The following TACR1 variants were observed in gnomAD, a reference collection of about 807,000 sequenced individuals.
TACR1 encodes the protein substance-P receptor.
Under a neutral mutation model 35.8 loss-of-function variants are expected in TACR1, and 25 were observed. The ratio of observed to expected loss-of-function variants is 0.70; its 90% CI spans 0.51 to 0.98. The LOEUF (loss-of-function observed/expected upper bound fraction) is 0.98, where lower values mean the gene tolerates loss of function less well. Among genes scored for constraint, TACR1 ranks in the 50% least tolerant of loss-of-function variants. TACR1 has a pLI of 0.00. For synonymous variants in TACR1, 195 were observed against 206.7 expected (o/e 0.94, Z 0.48); for missense variants, 478 against 522.9 (o/e 0.91, Z 0.84).
intron 1 of TACR1, 123 bp downstream of exon 1, chr2:75,198,423 T>TA (rs1198945330): frequency 1.4e-5 from 16 of 1,164,204 alleles, no homozygotes; most frequent in Middle Eastern, 2.9e-4. Context: ...AGTTGATCAG[T>TA]AAAAAAACCC....
chr2:75,130,490 G>T (rs527990424), intron 1 of TACR1, among the ~76,000 whole-genome samples: 2 of 152,194 alleles, frequency 1.3e-5, no homozygotes. Context: ...TTGCTACAGT[G>T]ATTTTGCTTT....
chr2:75,136,338 T>G (rs1285536048), intron 1 of TACR1, among the ~76,000 whole-genome samples: 3 of 152,186 alleles, frequency 2.0e-5, no homozygotes, highest in African/African-American at 7.2e-5. Flanking sequence ...AAAGACGTGC[T>G]TATTAGTGCA....
intron 1 of TACR1, among the ~76,000 whole-genome samples, chr2:75,151,972 G>T (rs1273016122): frequency 6.6e-6 from 1 of 152,128 alleles, no homozygotes; most frequent in Non-Finnish European, 1.5e-5. Flanking sequence ...TTTCAGACTT[G>T]CATGAGCCCT....
chr2:75,150,632 G>A (rs1256470637), intron 1 of TACR1, among the ~76,000 whole-genome samples: 1 of 152,136 alleles, frequency 6.6e-6, no homozygotes, highest in Admixed American at 6.6e-5. Flanking sequence ...CCAGTCTTGG[G>A]TATGTTTTTT....
chr2:75,069,984 C>T (rs1672845088), intron 2 of TACR1, among the ~76,000 whole-genome samples: 2 of 152,060 alleles, frequency 1.3e-5, no homozygotes, highest in African/African-American at 4.8e-5. Flanking sequence ...GAGTCATGCT[C>T]CTCCCTTGAA....
intron 1 of TACR1, among the ~76,000 whole-genome samples, chr2:75,163,487 C>G (rs1383650528): frequency 6.6e-6 from 1 of 152,070 alleles, no homozygotes; most frequent in Non-Finnish European, 1.5e-5. Context: ...CTATTAAATG[C>G]AATTCTAAAT....
intron 2 of TACR1, among the ~76,000 whole-genome samples, chr2:75,112,440 A>G (rs1673770545): frequency 6.6e-6 from 1 of 152,246 alleles, no homozygotes; most frequent in Non-Finnish European, 1.5e-5. Flanking sequence ...TAGGAATTAT[A>G]TAAAGATAGA....
intron 1 of TACR1, among the ~76,000 whole-genome samples, chr2:75,175,281 C>T (rs186704683): frequency 6.6e-6 from 1 of 152,200 alleles, no homozygotes; most frequent in Admixed American, 6.5e-5. Context: ...AAATATTGTC[C>T]CACGCCCCAA....
intron 1 of TACR1, among the ~76,000 whole-genome samples, chr2:75,183,242 G>A (rs1159224969): frequency 5.9e-5 from 9 of 152,164 alleles, no homozygotes; most frequent in Admixed American, 4.6e-4. Context: ...GAGGCACAAA[G>A]TAAGATTTAT....
chr2:75,198,350 G>C (rs1676043479), intron 1 of TACR1, among the ~76,000 whole-genome samples, 196 bp downstream of exon 1: 1 of 152,040 alleles, frequency 6.6e-6, no homozygotes, highest in South Asian at 2.1e-4. Context: ...AGAGAGTGAT[G>C]GGTAAAAAAG....
intron 2 of TACR1, among the ~76,000 whole-genome samples, chr2:75,085,284 C>T (rs186598817): frequency 2.9e-4 from 44 of 152,152 alleles, no homozygotes; most frequent in Admixed American, 2.4e-3. Flanking sequence ...AGCCCCTTAC[C>T]CTCCATGATC....
intron 1 of TACR1, among the ~76,000 whole-genome samples, chr2:75,151,076 GA>G (rs2103965142): frequency 1.3e-5 from 2 of 152,344 alleles, no homozygotes; most frequent in South Asian, 4.1e-4. Flanking sequence ...AGGTGACTTG[GA>G]TGCTGTTAAA....
At chr2:75,104,975 G>A (rs188868826) in intron 2 of TACR1, among the ~76,000 whole-genome samples, 11 of 152,130 alleles carry the variant, frequency 7.2e-5, no homozygotes, top group Admixed American at 3.9e-4. Flanking sequence ...AAAACCATAC[G>A]GAAGTTCCTA....
At chr2:75,089,063 A>G (rs561844282) in intron 2 of TACR1, among the ~76,000 whole-genome samples, 1 of 152,300 alleles carries the variant, frequency 6.6e-6, no homozygotes, top group Non-Finnish European at 1.5e-5. Flanking sequence ...ACTGAATCAC[A>G]CAGGTTCAAT....
intron 2 of TACR1, among the ~76,000 whole-genome samples, chr2:75,114,635 T>G (rs4853107): frequency 0.49 from 74,429 of 152,122 alleles, 18,955 homozygotes; most frequent in Non-Finnish European, 0.54. Flanking sequence ...AAGTCAAATT[T>G]TTCTTCTTTA....
chr2:75,166,348 A>G (rs936217508), intron 1 of TACR1, among the ~76,000 whole-genome samples: 2 of 152,208 alleles, frequency 1.3e-5, no homozygotes, highest in African/African-American at 4.8e-5. Flanking sequence ...GAAATTATAA[A>G]AGCATTCCCA....
At chr2:75,069,329 T>C (rs1672831113) in intron 2 of TACR1, among the ~76,000 whole-genome samples, 1 of 151,168 alleles carries the variant, frequency 6.6e-6, no homozygotes, top group South Asian at 2.1e-4. Context: ...TCTATATCTA[T>C]ATATGTATAT....
rs181877715 is a variant in TACR1 at position 75,134,715 on chromosome 2, A to G, written c.390-13947T>C. Among the ~76,000 whole-genome samples the G allele has an allele frequency of 5.4e-3, 824 of 152,300 alleles. 6 individuals are homozygous for G. The highest frequency in any genetic ancestry group is 6.3e-3 in the Non-Finnish European group (428 of 68,024). On this transcript the variant is annotated intron_variant, in intron 1 of 4. Coordinates refer to ENST00000305249, the MANE Select transcript of TACR1 (RefSeq NM_001058.4). The stretch of plus-strand genomic sequence containing the variant: ...ATAATCTGTTTCAACATTTCATTAG[A>G]TGCTTATCAGGAGTCAGTATTGTAT...
chr2:75,114,790 C>G (rs1673817272), intron 2 of TACR1, among the ~76,000 whole-genome samples: 1 of 152,150 alleles, frequency 6.6e-6, no homozygotes, highest in South Asian at 2.1e-4. Flanking sequence ...AGCAGCCACG[C>G]TAAGCTGCTG....
Sources: allele counts gnomAD v4.1 joint callset (sites outside exome capture counted in the v4.1 genomes callset), GRCh38; gene constraint gnomAD v4.1.1; transcripts MANE v1.5; gene names NCBI Gene and HGNC (gene_info 2026-07-23, HGNC 2026-07-21).